INPP4B: variants seen among roughly 807,000 people sequenced by gnomAD.
INPP4B encodes inositol polyphosphate-4-phosphatase type II B.
In INPP4B, 55 loss-of-function variants were observed where a neutral mutation model predicts 122.5. The observed-to-expected ratio is 0.45, with a 90% CI of 0.36 to 0.56. The LOEUF is 0.56. Ranked by LOEUF, INPP4B falls within the 20% of genes least tolerant of loss-of-function variation. The pLI is 0.00. For synonymous variants in INPP4B, 403 were observed against 388.7 expected (o/e 1.04, Z -0.43); for missense variants, 1,000 against 1,097.7 (o/e 0.91, Z 1.26).
At chr4:142,450,218 T>G (rs139157110) in intron 3 of INPP4B, among the ~76,000 whole-genome samples, 1 of 152,156 alleles carries the variant, frequency 6.6e-6, no homozygotes, top group Non-Finnish European at 1.5e-5. Flanking sequence ...CCAAAGTACC[T>G]CTGGGGCTAA....
intron 2 of INPP4B, among the ~76,000 whole-genome samples, chr4:142,649,805 C>T (rs182524675): frequency 4.6e-5 from 7 of 152,268 alleles, no homozygotes; most frequent in Admixed American, 4.6e-4. Context: ...GGATATTATC[C>T]AGGACAACTT....
rs118093174 is a variant in INPP4B, at chr4:142,656,751, T to C, written c.-191+69088A>G. 2.6e-3 allele frequency among the ~76,000 whole-genome samples: 403 copies of C among 152,356 alleles called. 6 individuals are homozygous for C. The highest frequency in any genetic ancestry group is 0.018 in the East Asian group (93 of 5,184). On this transcript the variant is annotated intron_variant, in intron 2 of 25. Coordinates refer to ENST00000262992, the MANE Select transcript of INPP4B (RefSeq NM_001101669.3). ...CAGGAATTTTTAAACTGCTTTTTTG[T>C]TCTTTCTCCTTCTCTACCTCATCAA...
chr4:142,540,769 A>C (rs1828849209), intron 2 of INPP4B, among the ~76,000 whole-genome samples: 1 of 152,060 alleles, frequency 6.6e-6, no homozygotes, highest in South Asian at 2.1e-4. Context: ...GAGAGAGAGA[A>C]GGCATATTCT....
chr4:142,455,353 C>G (rs1458529350), intron 3 of INPP4B, among the ~76,000 whole-genome samples: 5 of 152,102 alleles, frequency 3.3e-5, no homozygotes, highest in African/African-American at 1.2e-4. Flanking sequence ...CTTCTACCCT[C>G]TAAGTCTAAG....
chr4:142,741,227 T>C (rs931467109), intron 1 of INPP4B, among the ~76,000 whole-genome samples: 2 of 150,264 alleles, frequency 1.3e-5, no homozygotes, highest in Non-Finnish European at 3.0e-5. Context: ...CTGCAGGCTA[T>C]ACAAGAATGG....
chr4:142,484,909 G>T (rs1020183575), intron 2 of INPP4B, among the ~76,000 whole-genome samples: 1 of 151,932 alleles, frequency 6.6e-6, no homozygotes, highest in African/African-American at 2.4e-5. Context: ...CCTGTATTTC[G>T]TTTTTGACTA....
intron 2 of INPP4B, among the ~76,000 whole-genome samples, chr4:142,603,237 T>TG (rs975016497): frequency 4.0e-5 from 6 of 150,878 alleles, no homozygotes; most frequent in South Asian, 4.2e-4. Context: ...GAGAGGGGTG[T>TG]GGGGGGAGGG....
chr4:142,816,205 A>T (rs6537127), intron 1 of INPP4B, among the ~76,000 whole-genome samples: 77,063 of 151,994 alleles, frequency 0.51, 23,502 homozygotes, highest in African/African-American at 0.87. Flanking sequence ...GAAGGGATGT[A>T]TTTCTATTCT....
intron 2 of INPP4B, among the ~76,000 whole-genome samples, chr4:142,697,038 C>G (rs138283724): frequency 6.6e-6 from 1 of 152,120 alleles, no homozygotes; most frequent in Non-Finnish European, 1.5e-5. Flanking sequence ...ATGTCAGTTA[C>G]AGTTTATTAT....
chr4:142,593,280 G>A (rs1289332626), intron 2 of INPP4B, among the ~76,000 whole-genome samples: 2 of 151,886 alleles, frequency 1.3e-5, no homozygotes, highest in Non-Finnish European at 2.9e-5. Context: ...GATTAGAAGG[G>A]ATTATTTCAA....
intron 2 of INPP4B, among the ~76,000 whole-genome samples, chr4:142,494,267 C>A (rs1297006288): frequency 6.6e-6 from 1 of 152,000 alleles, no homozygotes; most frequent in Non-Finnish European, 1.5e-5. Flanking sequence ...CAATTTGCAC[C>A]CTTAATTTAG....
chr4:142,244,315 T>A (rs1484169112), intron 11 of INPP4B, among the ~76,000 whole-genome samples: 1 of 68,526 alleles, frequency 1.5e-5, no homozygotes, highest in Non-Finnish European at 3.2e-5. Context: ...TTTTTTTTTT[T>A]TTGAGACAGA....
chr4:142,439,851 A>C (rs754438406), intron 3 of INPP4B, among the ~76,000 whole-genome samples: 5 of 152,164 alleles, frequency 3.3e-5, no homozygotes, highest in Admixed American at 6.6e-5. Context: ...TTCCTAATTG[A>C]CATACCTTCA....
At chr4:142,054,750 T>A (rs1306283954) in intron 25 of INPP4B, among the ~76,000 whole-genome samples, 1 of 152,068 alleles carries the variant, frequency 6.6e-6, no homozygotes, top group African/African-American at 2.4e-5. Flanking sequence ...CTTAAATACA[T>A]CCACTGACAG....
chr4:142,149,551 A>AAAAAAC (rs1812664467), intron 17 of INPP4B, among the ~76,000 whole-genome samples: 1 of 152,194 alleles, frequency 6.6e-6, no homozygotes, highest in Admixed American at 6.5e-5. Flanking sequence ...TAAGCAGAAA[A>AAAAAAC]AAAAACAAAA....
At chr4:142,811,046 C>T (rs764728172) in intron 1 of INPP4B, among the ~76,000 whole-genome samples, 4 of 152,174 alleles carry the variant, frequency 2.6e-5, no homozygotes, top group Non-Finnish European at 5.9e-5. Context: ...TGTTAAAATA[C>T]TAATCTACTT....
intron 3 of INPP4B, among the ~76,000 whole-genome samples, chr4:142,447,192 G>A (rs576280814): frequency 1.9e-3 from 289 of 152,128 alleles, no homozygotes; most frequent in Non-Finnish European, 3.7e-3. Flanking sequence ...GAAGTTGTAT[G>A]GATCTGGCAG....
chr4:142,293,031 T>C (rs2636635), intron 9 of INPP4B, among the ~76,000 whole-genome samples: 113,354 of 149,498 alleles, frequency 0.76, 44,332 homozygotes, highest in East Asian at 0.93. Flanking sequence ...ATTACCTAAT[T>C]TTTATACCCT....
In INPP4B at chr4:142,244,287, C is replaced by CTTT. The variant is rs56945961; in HGVS notation, c.689-6279_689-6277dup. ...ATGGTATTCCATGGTGTATATGTGC[C>CTTT]TTTTTTTTTTTTTTTTTTTTTTTTT... On this transcript the variant is annotated intron_variant, in intron 11 of 25. Transcript: ENST00000262992. Among the ~76,000 whole-genome samples, 16 of 73,764 alleles carry CTTT rather than the reference C, an allele frequency of 2.2e-4. 1 individual carries two copies. Among genetic ancestry groups the CTTT allele is most frequent in the Admixed American group, 5.2e-4 (3 of 5,764 alleles). The allele number at this position is 73,764 out of a possible 152,430, so 48.4% of individuals were successfully genotyped here.
Sources: gnomAD v4.1 joint callset for allele counts (sites outside exome capture counted in the v4.1 genomes callset) on GRCh38, gnomAD v4.1.1 for gene constraint, MANE v1.5 for transcripts, NCBI Gene and HGNC (gene_info 2026-07-23, HGNC 2026-07-21) for gene names.